The following LGR5 variants were observed in gnomAD, a reference collection of about 807,000 sequenced individuals.
The protein encoded by LGR5 is leucine-rich repeat-containing G protein-coupled receptor 5.
In LGR5, 54 loss-of-function variants were observed where a neutral mutation model predicts 76.7. The ratio of observed to expected loss-of-function variants is 0.70; its 90% confidence interval spans 0.57 to 0.88. LGR5 has a LOEUF of 0.88. Ranked by LOEUF, LGR5 falls within the 40% of genes least tolerant of loss-of-function variation. The probability of loss-of-function intolerance (pLI) is 0.00; values close to 1 mark genes in which losing one functional copy is unlikely to be tolerated. For synonymous variants in LGR5, 406 were observed against 421.9 expected (o/e 0.96, Z 0.46); for missense variants, 1,078 against 1,073.3 (o/e 1.00, Z -0.06).
chr12:71,584,121 G>T lies in LGR5; in HGVS notation c.2111G>T (p.Ser704Ile). ...TMAAVPLLGG[S>I]KYGASPLCLP... ...GCCGCAGTTCCCCTGCTGGGTGGCA[G>T]CAAGTATGGCGCCTCCCCTCTCTGC... The change falls in exon 18 of 18, where the codon AGC (serine) becomes ATC (isoleucine). Residue 704 changes from serine to isoleucine, a missense_variant. Transcript: ENST00000266674. The T allele has an allele frequency of 6.2e-7, 1 of 1,614,210 alleles. No homozygotes were observed. Among genetic ancestry groups the T allele is most frequent in the Non-Finnish European group, 8.5e-7 (1 of 1,180,044 alleles).
intron 2 of LGR5, among the ~76,000 whole-genome samples, chr12:71,512,552 T>C (rs115466501): frequency 2.0e-3 from 305 of 152,336 alleles, no homozygotes; most frequent in African/African-American, 7.1e-3. Flanking sequence ...AGACATCTTT[T>C]ATTTCAAAGC....
At chr12:71,570,521 G>T in intron 11 of LGR5, among the ~76,000 whole-genome samples, 2 of 151,836 alleles carry the variant, frequency 1.3e-5, no homozygotes, top group Admixed American at 1.3e-4. Flanking sequence ...TATTATATTC[G>T]CTATTTTTCA....
At chr12:71,524,021 A>G (rs1296746534) in intron 2 of LGR5, among the ~76,000 whole-genome samples, 2 of 152,204 alleles carry the variant, frequency 1.3e-5, no homozygotes, top group African/African-American at 2.4e-5. Flanking sequence ...TGTTTATCTA[A>G]TCTATTTTAT....
chr12:71,584,834 C>A lies in LGR5; in HGVS notation c.*100C>A. The A allele has an allele frequency of 1.5e-6, 2 of 1,341,616 alleles. No individual in the cohort carries two copies. 83.1% of individuals were successfully genotyped at this position (1,341,616 alleles called of 1,614,324 possible). ...TAATAAGAAGAGCTGAGGTGAAACT[C>A]GGTTTAAAAACCAAAAAAGAATCTC... is the stretch of plus-strand genomic sequence containing the variant. On this transcript the variant is annotated 3_prime_UTR_variant, in exon 18 of 18. Transcript: ENST00000266674.
intron 4 of LGR5, among the ~76,000 whole-genome samples, chr12:71,541,125 G>A (rs916017709): frequency 1.3e-5 from 2 of 152,308 alleles, no homozygotes; most frequent in South Asian, 2.1e-4. Context: ...GAATTCTTAT[G>A]AGGAGGAAAA....
chr12:71,446,522 C>T (rs897700842), intron 1 of LGR5, among the ~76,000 whole-genome samples: 3 of 152,134 alleles, frequency 2.0e-5, no homozygotes, highest in South Asian at 2.1e-4. Flanking sequence ...GATAATAGTA[C>T]CTCTTATTAG....
chr12:71,460,562 C>T (rs17109718), intron 1 of LGR5, among the ~76,000 whole-genome samples: 1,819 of 152,140 alleles, frequency 0.012, 38 homozygotes, highest in African/African-American at 0.042. Flanking sequence ...ATAATTCATC[C>T]GGTGCTCATT....
chr12:71,514,523 G>A (rs1209915517), intron 2 of LGR5, among the ~76,000 whole-genome samples: 1 of 148,626 alleles, frequency 6.7e-6, no homozygotes, highest in Non-Finnish European at 1.5e-5. Context: ...AGCCCAGATC[G>A]CGCCACTGCA....
chr12:71,554,703 T>G (rs1171095356), intron 5 of LGR5, among the ~76,000 whole-genome samples: 1 of 152,224 alleles, frequency 6.6e-6, no homozygotes, highest in East Asian at 1.9e-4. Flanking sequence ...CAGATCTCTT[T>G]CATTGTCATA....
At position 71,496,391 on chromosome 12, in the gene LGR5, A is replaced by AGAG. The variant is rs1555169617; in HGVS notation, c.213-8223_213-8222insGAG. On this transcript the variant is annotated intron_variant, in intron 1 of 17. Coordinates refer to ENST00000266674, the MANE Select transcript of LGR5 (RefSeq NM_003667.4). ...TCAACAAAAAAAAAAAAAAAAAAAA[A>AGAG]AGAGAGAGAGAGAGAAATGATAACA... 4.7e-3 allele frequency among the ~76,000 whole-genome samples: 541 copies of AGAG among 115,022 alleles called. 3 individuals carry two copies. Among genetic ancestry groups the AGAG allele is most frequent in the Non-Finnish European group, 7.5e-3 (437 of 57,892 alleles). 75.5% of individuals were successfully genotyped at this position (115,022 alleles called of 152,430 possible). A position where few individuals can be genotyped will look rare whatever the true frequency, so the allele number is the denominator to read the frequency against.
chr12:71,584,582 GA>G lies in LGR5; in HGVS notation c.2577del (p.Lys859AsnfsTer11). The G allele has an allele frequency of 6.2e-7, 1 of 1,614,000 alleles. No homozygotes were observed. Among genetic ancestry groups the G allele is most frequent in the Middle Eastern group, 1.7e-4 (1 of 6,060 alleles). On this transcript the variant is annotated frameshift_variant, in exon 18 of 18. Coordinates refer to ENST00000266674, the MANE Select transcript of LGR5 (RefSeq NM_003667.4). LOFTEE classifies it high-confidence loss of function. ...GATGTCAATTAACTCTGATGATGTC[GA>G]AAAACAGTCCTGTGACTCAACTCAA... ...SLMSINSDDV[E>X]KQSCDSTQAL...
At chr12:71,488,237 A>T (rs947226079) in intron 1 of LGR5, among the ~76,000 whole-genome samples, 2 of 152,240 alleles carry the variant, frequency 1.3e-5, no homozygotes, top group African/African-American at 4.8e-5. Context: ...AACAAAAACA[A>T]GTCTTTAGCC....
chr12:71,456,391 G>A (rs564086800), intron 1 of LGR5, among the ~76,000 whole-genome samples: 28 of 152,230 alleles, frequency 1.8e-4, no homozygotes, highest in African/African-American at 6.7e-4. Flanking sequence ...AAGAAAGCTG[G>A]CAGGGTTGTG....
chr12:71,489,681 G>A (rs948831634), intron 1 of LGR5, among the ~76,000 whole-genome samples: 6 of 152,084 alleles, frequency 3.9e-5, no homozygotes, highest in African/African-American at 1.4e-4. Context: ...TTCTTGATGG[G>A]ATTTCCACTA....
intron 15 of LGR5, among the ~76,000 whole-genome samples, chr12:71,579,790 C>T (rs1879013743): frequency 6.6e-6 from 1 of 152,112 alleles, no homozygotes; most frequent in Admixed American, 6.5e-5. Flanking sequence ...CCAAGTCCAC[C>T]CTTCCCAGTC....
chr12:71,514,827 C>A (rs956957403), intron 2 of LGR5, among the ~76,000 whole-genome samples: 1 of 152,164 alleles, frequency 6.6e-6, no homozygotes, highest in Non-Finnish European at 1.5e-5. Flanking sequence ...ACAATGACGG[C>A]ATCACTTGAG....
At chr12:71,449,294 G>A (rs1336818024) in intron 1 of LGR5, among the ~76,000 whole-genome samples, 1 of 152,110 alleles carries the variant, frequency 6.6e-6, no homozygotes, top group Non-Finnish European at 1.5e-5. Flanking sequence ...TTTTAATTTG[G>A]AAAAGCTACA....
Position 71,583,764 on chromosome 12 carries a change from C to A in LGR5, c.1754C>A (p.Ser585Tyr). The change falls in exon 18 of 18, where the codon TCC (serine) becomes TAC (tyrosine). Residue 585 changes from serine (S) to tyrosine (Y), a missense_variant. Ser to Tyr is a moderately radical substitution (Grantham distance 144, BLOSUM62 -2). Transcript: ENST00000266674. ...TTGGTGACTTCAACAGTTTTCAGAT[C>A]CCCTCTGTACATTTCCCCCATTAAA... is the stretch of plus-strand genomic sequence containing the variant. ...NALVTSTVFR[S>Y]PLYISPIKLL... is the part of the protein sequence containing the mutation. 3 of 1,614,066 alleles carry A rather than the reference C, an allele frequency of 1.9e-6. No individual in the cohort carries two copies. The highest frequency in any genetic ancestry group is 1.7e-6 in the Non-Finnish European group (2 of 1,180,016).
intron 1 of LGR5, among the ~76,000 whole-genome samples, chr12:71,466,342 T>C (rs1043120098): frequency 6.6e-6 from 1 of 152,198 alleles, no homozygotes; most frequent in Non-Finnish European, 1.5e-5. Context: ...AGATTTTATT[T>C]TATTAAATGG....
Sources: allele counts gnomAD v4.1 joint callset (sites outside exome capture counted in the v4.1 genomes callset), GRCh38; gene constraint gnomAD v4.1.1; transcripts MANE v1.5; gene names NCBI Gene and HGNC (gene_info 2026-07-23, HGNC 2026-07-21).